BID: variants seen among roughly 807,000 people sequenced by gnomAD.
BID encodes BH3 interacting domain death agonist.
In BID, 19 loss-of-function variants were observed where a neutral mutation model predicts 17.4. The ratio of observed to expected loss-of-function variants is 1.09; its 90% confidence interval spans 0.76 to 1.60. The LOEUF (loss-of-function observed/expected upper bound fraction) is 1.60. Ranked by LOEUF, BID falls within the 40% of genes most tolerant of loss-of-function variation. The pLI, the probability that BID is intolerant of heterozygous loss-of-function variation, is 0.00. For synonymous variants in BID, 108 were observed against 102.8 expected (o/e 1.05, Z -0.31); for missense variants, 226 against 256.0 (o/e 0.88, Z 0.80).
chr22:17,735,440 A>G lies in BID; in HGVS notation c.*140T>C, dbSNP rs990161187. ...GGGTTATAAGTTTAACATTGTCTTT[A>G]AAATAGAAGTCACAGCTATCTTCCA... On this transcript the variant is annotated 3_prime_UTR_variant, in exon 6 of 6. Transcript: ENST00000622694. 2.2e-6 allele frequency: 2 copies of G among 899,090 alleles called. No individual in the cohort carries two copies. Among genetic ancestry groups the G allele is most frequent in the Non-Finnish European group, 3.5e-6 (2 of 574,850 alleles). The allele number at this position is 899,090 out of a possible 1,614,324, so 55.7% of individuals were successfully genotyped here.
At chr22:17,737,922 G>A in intron 5 of BID, 95 bp downstream of exon 5, 1 of 1,274,700 alleles carries the variant, frequency 7.8e-7, no homozygotes. Context: ...CCTTGTGCTG[G>A]CATCAGAGGC....
At chr22:17,755,210 G>A (rs1389242992) in intron 1 of BID, among the ~76,000 whole-genome samples, 3 of 149,106 alleles carry the variant, frequency 2.0e-5, no homozygotes, top group Non-Finnish European at 4.4e-5. Context: ...TCAGCCTCCC[G>A]AGTAGATGGG....
intron 1 of BID, among the ~76,000 whole-genome samples, chr22:17,758,334 A>G (rs1269278202): frequency 1.3e-5 from 2 of 152,246 alleles, no homozygotes; most frequent in Non-Finnish European, 2.9e-5. Context: ...ATTCCAGGGA[A>G]GGCCCTGGCC....
chr22:17,774,396 G>A lies in BID; in HGVS notation c.-74C>T, dbSNP rs1201034776. 1 of 238,178 alleles carries A rather than the reference G, an allele frequency of 4.2e-6. No individual in the cohort carries two copies. The highest frequency in any genetic ancestry group is 9.0e-6 in the Non-Finnish European group (1 of 110,500). 14.8% of individuals were successfully genotyped at this position (238,178 alleles called of 1,614,324 possible). ...GTGCACTCACCACCCTCCAGCCGCG[G>A]GGGCGCGGGCGCGTCCGGGCCGAGG... is the stretch of plus-strand genomic sequence containing the variant. On this transcript the variant is annotated 5_prime_UTR_variant, in exon 1 of 6. Transcript: ENST00000622694.
intron 3 of BID, among the ~76,000 whole-genome samples, chr22:17,741,897 A>G (rs934143663): frequency 6.6e-6 from 1 of 152,190 alleles, no homozygotes; most frequent in Non-Finnish European, 1.5e-5. Context: ...CTGCAGCCCC[A>G]AAGTTTTCCT....
chr22:17,768,655 C>T (rs1158120448), intron 1 of BID, among the ~76,000 whole-genome samples: 13 of 152,270 alleles, frequency 8.5e-5, no homozygotes, highest in Admixed American at 2.0e-4. Context: ...GGGTGGATCA[C>T]GAGGTCAGGA....
At chr22:17,746,453 C>T (rs762543727) in intron 2 of BID, among the ~76,000 whole-genome samples, 1 of 152,202 alleles carries the variant, frequency 6.6e-6, no homozygotes, top group Non-Finnish European at 1.5e-5. Flanking sequence ...CAATTCCTAA[C>T]AATTCTTGTA....
At chr22:17,764,431 C>A (rs1238497096) in intron 1 of BID, among the ~76,000 whole-genome samples, 1 of 152,172 alleles carries the variant, frequency 6.6e-6, no homozygotes, top group African/African-American at 2.4e-5. Context: ...GAGCCCACAC[C>A]TGGGCAAGTA....
In BID at chr22:17,769,383, G is replaced by A. The variant is rs1475787739; in HGVS notation, c.-59+4998C>T. 2.0e-5 allele frequency among the ~76,000 whole-genome samples: 3 copies of A among 152,228 alleles called. No homozygotes were observed. Among genetic ancestry groups the A allele is most frequent in the Admixed American group, 1.3e-4 (2 of 15,280 alleles). On this transcript the variant is annotated intron_variant, in intron 1 of 5. Transcript: ENST00000622694. The surrounding 1 kb of genome is among the most constrained non-coding windows in gnomAD (Gnocchi z 4.8). ...CAGGGGTCCTCAGGGATACCCAGAG[G>A]GAGAAACAAGGCTTTTGGGGAAATG... is the stretch of plus-strand genomic sequence containing the variant.
At chr22:17,766,989 C>T (rs1288751681) in intron 1 of BID, among the ~76,000 whole-genome samples, 1 of 151,912 alleles carries the variant, frequency 6.6e-6, no homozygotes, top group Admixed American at 6.6e-5. Flanking sequence ...TCTGGGAGGC[C>T]AAGGCAGGAG....
At chr22:17,759,249 A>AAAAAAAAAACAAAC (rs1019795734) in intron 1 of BID, among the ~76,000 whole-genome samples, 2 of 148,422 alleles carry the variant, frequency 1.3e-5, no homozygotes, top group African/African-American at 5.0e-5. Context: ...AACAAAACAA[A>AAAAAAAAAACAAAC]AAAAAAAAAA....
chr22:17,737,961 C>T, intron 5 of BID, 56 bp downstream of exon 5: 3 of 1,589,956 alleles, frequency 1.9e-6, no homozygotes, highest in East Asian at 2.2e-5. Context: ...CTCAACCTTC[C>T]AGAGAAAAGG....
intron 3 of BID, chr22:17,740,625 C>T: frequency 5.7e-6 from 1 of 175,956 alleles, no homozygotes. Flanking sequence ...AGACGGGTTT[C>T]ACCATGTTGG....
At chr22:17,737,402 A>G (rs892733647) in intron 5 of BID, among the ~76,000 whole-genome samples, 4 of 151,994 alleles carry the variant, frequency 2.6e-5, no homozygotes, top group Admixed American at 2.0e-4. Context: ...GCTAAAGTGC[A>G]GTGGTGCGAT....
At position 17,769,782 on chromosome 22, in the gene BID, G is replaced by C. The variant is rs1482070698; in HGVS notation, c.-59+4599C>G. Among the ~76,000 whole-genome samples, 4 of 152,194 alleles carry C rather than the reference G, an allele frequency of 2.6e-5. No homozygotes were observed. Among genetic ancestry groups the C allele is most frequent in the African/African-American group, 9.7e-5 (4 of 41,436 alleles). ...CAGCACCCAAAGCTCAGAGTTCCCA[G>C]CTGAACCCAGGAGGCACCCACCTTC... On this transcript the variant is annotated intron_variant, in intron 1 of 5. Transcript: ENST00000622694. This position sits in a 1 kb window ranked among gnomAD's most constrained non-coding sequence, Gnocchi z 4.8.
rs1457244441 is a variant in BID, at chr22:17,750,093, C to T, written c.12+12G>A. ...CCCCCACAAGGCACCCGCAGGGGATCTGGCCTCTGACCTCACAGTCCATGG... is the reference window on the plus strand; with the variant it reads ...CCCCCACAAGGCACCCGCAGGGGATTTGGCCTCTGACCTCACAGTCCATGG... On this transcript the variant is annotated intron_variant, in intron 2 of 5. Coordinates refer to ENST00000622694, the MANE Select transcript of BID (RefSeq NM_001196.4). 1.2e-6 allele frequency: 2 copies of T among 1,612,240 alleles called. No homozygotes were observed. The highest frequency in any genetic ancestry group is 2.2e-5 in the East Asian group (1 of 44,862).
intron 1 of BID, among the ~76,000 whole-genome samples, chr22:17,765,752 C>T (rs2061673642): frequency 6.6e-6 from 1 of 152,182 alleles, no homozygotes; most frequent in South Asian, 2.1e-4. Flanking sequence ...ATGGGTGCAG[C>T]ACACCAACAT....
chr22:17,769,363 G>T lies in BID; in HGVS notation c.-59+5018C>A, dbSNP rs1168690392. On this transcript the variant is annotated intron_variant, in intron 1 of 5. Coordinates refer to ENST00000622694, the MANE Select transcript of BID (RefSeq NM_001196.4). The surrounding 1 kb of genome is among the most constrained non-coding windows in gnomAD (Gnocchi z 4.8). ...GGTTTGGGGCTGGATGTCTGCAGGG[G>T]TCCTCAGGGATACCCAGAGGGAGAA... Among the ~76,000 whole-genome samples, 1 of 152,248 alleles carries T rather than the reference G, an allele frequency of 6.6e-6. No homozygotes were observed. The highest frequency in any genetic ancestry group is 1.5e-5 in the Non-Finnish European group (1 of 68,044).
chr22:17,740,144 C>T, intron 3 of BID: 2 of 1,612,340 alleles, frequency 1.2e-6, no homozygotes, highest in Admixed American at 1.7e-5. Context: ...TCCGTTTCTT[C>T]CTCAGCACTT....
Sources: allele counts gnomAD v4.1 joint callset (sites outside exome capture counted in the v4.1 genomes callset), GRCh38; gene constraint gnomAD v4.1.1; non-coding constraint Gnocchi (gnomAD v3.1); transcripts MANE v1.5; gene names NCBI Gene and HGNC (gene_info 2026-07-23, HGNC 2026-07-21).